TBC1D30: variants seen among roughly 807,000 people sequenced by gnomAD.
The protein encoded by TBC1D30 is TBC1 domain family member 30.
TBC1D30 carries 31 observed loss-of-function variants against 63.2 expected under a neutral mutation model. The observed-to-expected ratio is 0.49, with a 90% CI of 0.37 to 0.66. TBC1D30 has a LOEUF of 0.66. Ranked by LOEUF, TBC1D30 falls within the 30% of genes least tolerant of loss-of-function variation. TBC1D30 has a pLI of 0.00. For missense variants in TBC1D30, 810 were observed against 953.6 expected (o/e 0.85, Z 1.98); for synonymous variants, 307 against 361.5 (o/e 0.85, Z 1.71).
At chr12:64,767,279 G>A (rs1870746692) in intron 1 of TBC1D30, among the ~76,000 whole-genome samples, 1 of 151,952 alleles carries the variant, frequency 6.6e-6, no homozygotes, top group Non-Finnish European at 1.5e-5. Context: ...TAACAAAATT[G>A]TCAAATCTTG....
Position 64,760,770 on chromosome 12 carries a change from A to G in TBC1D30, c.-376+1121A>G, listed in dbSNP as rs1870476801. ...AAACTCGTGAAAACACTATACTATA[A>G]GGTAAAAATAATGATGGAAACACGT... On this transcript the variant is annotated intron_variant, in intron 1 of 13. Transcript: ENST00000674237. 2.0e-5 allele frequency among the ~76,000 whole-genome samples: 3 copies of G among 152,088 alleles called. No individual in the cohort carries two copies. The South Asian group carries it at 6.2e-4, about 32-fold the overall frequency.
chr12:64,851,547 A>G (rs1484000006), intron 8 of TBC1D30, among the ~76,000 whole-genome samples: 1 of 152,126 alleles, frequency 6.6e-6, no homozygotes, highest in Non-Finnish European at 1.5e-5. Context: ...TAATATTGTT[A>G]TGTGTGAATT....
chr12:64,797,651 C>T (rs540521330), intron 2 of TBC1D30, among the ~76,000 whole-genome samples: 14 of 151,724 alleles, frequency 9.2e-5, no homozygotes, highest in African/African-American at 3.2e-4. Context: ...CTCTCTCTCT[C>T]TTTCCCTTTT....
intron 8 of TBC1D30, among the ~76,000 whole-genome samples, chr12:64,844,577 A>G (rs1876192312): frequency 6.6e-6 from 1 of 152,232 alleles, no homozygotes; most frequent in Non-Finnish European, 1.5e-5. Context: ...ATTACTATTG[A>G]CTATAGTCAC....
intron 2 of TBC1D30, 49 bp from the exon 3 acceptor site, chr12:64,828,395 T>G: frequency 7.4e-7 from 1 of 1,349,752 alleles, no homozygotes; most frequent in Non-Finnish European, 1.0e-6. Flanking sequence ...TGCAAAGTGC[T>G]TATCTAGGTC....
At chr12:64,796,548 T>C (rs1872285614) in intron 2 of TBC1D30, among the ~76,000 whole-genome samples, 1 of 152,124 alleles carries the variant, frequency 6.6e-6, no homozygotes, top group Non-Finnish European at 1.5e-5. Flanking sequence ...ATAGACACCA[T>C]ATGAAAGAAA....
upstream of TBC1D30, among the ~76,000 whole-genome samples, chr12:64,780,451 C>T (rs562899242): frequency 4.6e-5 from 7 of 152,254 alleles, no homozygotes; most frequent in East Asian, 1.9e-4. Flanking sequence ...GTGAAGGTGG[C>T]GGCGGCCTCA....
intron 8 of TBC1D30, 39 bp downstream of exon 8, chr12:64,843,524 C>T: frequency 2.7e-6 from 4 of 1,490,560 alleles, no homozygotes; most frequent in Non-Finnish European, 3.6e-6. Context: ...TCGGGGAACC[C>T]CGGGCACGGT....
chr12:64,778,787 G>T (rs1223865361), upstream of TBC1D30, among the ~76,000 whole-genome samples: 1 of 152,008 alleles, frequency 6.6e-6, no homozygotes, highest in Non-Finnish European at 1.5e-5. Flanking sequence ...GCCTCCCAAA[G>T]TGCTGGGATT....
exon 1 of TBC1D30, chr12:64,759,484 G>A: frequency 1.9e-6 from 1 of 526,692 alleles, no homozygotes; most frequent in South Asian, 2.9e-5. Context: ...CGGCCGGCGT[G>A]GGCGGGGCTG....
intron 8 of TBC1D30, among the ~76,000 whole-genome samples, chr12:64,853,106 G>A (rs1251243351): frequency 6.6e-6 from 1 of 152,204 alleles, no homozygotes; most frequent in African/African-American, 2.4e-5. Context: ...CCTTCCCCCA[G>A]GTGCTCTCTC....
intron 1 of TBC1D30, chr12:64,785,778 T>C: frequency 1.1e-6 from 1 of 896,994 alleles, no homozygotes; most frequent in Non-Finnish European, 1.5e-6. Context: ...CTAGAATTAG[T>C]TGGTTTAAAT....
At chr12:64,857,094 G>A (rs1472952372) in intron 8 of TBC1D30, among the ~76,000 whole-genome samples, 1 of 152,108 alleles carries the variant, frequency 6.6e-6, no homozygotes, top group African/African-American at 2.4e-5. Context: ...CTCTACTGTG[G>A]CTGAGCTGGT....
At chr12:64,813,892 A>G in intron 2 of TBC1D30, among the ~76,000 whole-genome samples, 1 of 152,128 alleles carries the variant, frequency 6.6e-6, no homozygotes, top group Admixed American at 6.6e-5. Context: ...AGCTGCAGGC[A>G]GGGGAGGAGA....
chr12:64,840,765 T>C (rs1875803001), intron 7 of TBC1D30, among the ~76,000 whole-genome samples: 1 of 152,246 alleles, frequency 6.6e-6, no homozygotes, highest in African/African-American at 2.4e-5. Flanking sequence ...GTGAATCTAC[T>C]GATAATAAAT....
At chr12:64,812,442 A>G (rs1024471392) in intron 2 of TBC1D30, among the ~76,000 whole-genome samples, 4 of 152,250 alleles carry the variant, frequency 2.6e-5, no homozygotes, top group African/African-American at 9.6e-5. Flanking sequence ...CAACAAACTT[A>G]TAAAAATAAT....
chr12:64,810,604 A>G (rs1873155618), intron 2 of TBC1D30, among the ~76,000 whole-genome samples: 1 of 152,188 alleles, frequency 6.6e-6, no homozygotes, highest in South Asian at 2.1e-4. Flanking sequence ...CTCCGTCTCA[A>G]AAAACAAAAC....
At chr12:64,851,890 C>T (rs1876904037) in intron 8 of TBC1D30, among the ~76,000 whole-genome samples, 1 of 152,224 alleles carries the variant, frequency 6.6e-6, no homozygotes, top group Non-Finnish European at 1.5e-5. Flanking sequence ...GAGAGATCCA[C>T]TGTTAGTCTG....
intron 1 of TBC1D30, among the ~76,000 whole-genome samples, chr12:64,782,878 T>A (rs1055468659): frequency 2.6e-5 from 4 of 152,186 alleles, no homozygotes; most frequent in Admixed American, 6.5e-5. Context: ...AATAGTCCTA[T>A]ACACACATAT....
Sources: gnomAD v4.1 joint callset for allele counts (sites outside exome capture counted in the v4.1 genomes callset) on GRCh38, gnomAD v4.1.1 for gene constraint, MANE v1.5 for transcripts, NCBI Gene and HGNC (gene_info 2026-07-23, HGNC 2026-07-21) for gene names.